LRP1B: variants seen among roughly 807,000 people sequenced by gnomAD.
LRP1B encodes the protein low-density lipoprotein receptor-related protein 1B.
A neutral mutation model predicts 556.6 loss-of-function variants in LRP1B; 217 were observed. The ratio of observed to expected loss-of-function variants is 0.39; its 90% CI spans 0.35 to 0.44. The LOEUF is 0.44. LRP1B is among the 20% of genes least tolerant of loss of function. The probability of loss-of-function intolerance (pLI) is 1.00; values close to 1 mark genes in which losing one functional copy is unlikely to be tolerated. For synonymous variants in LRP1B, 2,047 were observed against 1,865.8 expected, an observed-to-expected ratio of 1.10 and a Z score of -2.50; for missense variants, 5,053 against 5,620.8, an observed-to-expected ratio of 0.90 and a Z score of 3.23.
chr2:140,676,271 A>T (rs975442747), intron 41 of LRP1B, among the ~76,000 whole-genome samples: 1 of 152,288 alleles, frequency 6.6e-6, no homozygotes, highest in South Asian at 2.1e-4. Flanking sequence ...TGCTCTGGGT[A>T]AAATAAATAA....
In LRP1B at chr2:141,544,313, C is replaced by CTTCTTCTTCTTCTTCTTCTT. The variant is rs1553533084; in HGVS notation, c.206-63800_206-63781dup. Among the ~76,000 whole-genome samples the CTTCTTCTTCTTCTTCTTCTT allele has an allele frequency of 3.1e-3, 79 of 25,500 alleles. 2 individuals carry two copies. Among genetic ancestry groups the CTTCTTCTTCTTCTTCTTCTT allele is most frequent in the Admixed American group, 5.5e-3 (11 of 2,016 alleles). 16.7% of individuals were successfully genotyped at this position (25,500 alleles called of 152,430 possible). On this transcript the variant is annotated intron_variant, in intron 2 of 90. Coordinates refer to ENST00000389484, the MANE Select transcript of LRP1B (RefSeq NM_018557.3). ...ATTTACCACTCTTCTTCTTCTTCTT[C>CTTCTTCTTCTTCTTCTTCTT]TTCTTCTTCTTCTTCTTCTTCTTCT...
At chr2:141,553,328 A>G (rs1164213682) in intron 2 of LRP1B, among the ~76,000 whole-genome samples, 1 of 151,940 alleles carries the variant, frequency 6.6e-6, no homozygotes, top group African/African-American at 2.4e-5. Flanking sequence ...TGCTTTTGTG[A>G]GAAATTAAGT....
intron 43 of LRP1B, among the ~76,000 whole-genome samples, chr2:140,570,006 T>C (rs1461243935): frequency 1.3e-5 from 2 of 151,774 alleles, no homozygotes; most frequent in East Asian, 1.9e-4. Context: ...AAACAGAACA[T>C]GTCAACACCT....
intron 2 of LRP1B, among the ~76,000 whole-genome samples, chr2:141,721,868 C>T (rs1323980380): frequency 6.6e-6 from 1 of 152,126 alleles, no homozygotes; most frequent in Non-Finnish European, 1.5e-5. Flanking sequence ...TTTATCCAGA[C>T]CATTAAAACG....
At chr2:142,018,093 T>C (rs370834574) in intron 1 of LRP1B, among the ~76,000 whole-genome samples, 1 of 152,228 alleles carries the variant, frequency 6.6e-6, no homozygotes, top group South Asian at 2.1e-4. Flanking sequence ...ATTTTCTCTG[T>C]GTTGATGTGA....
intron 43 of LRP1B, among the ~76,000 whole-genome samples, chr2:140,543,993 G>A (rs1399184778): frequency 2.0e-5 from 3 of 151,876 alleles, no homozygotes; most frequent in Non-Finnish European, 4.4e-5. Context: ...ATAAAACATT[G>A]CTAAGAGAAA....
intron 34 of LRP1B, among the ~76,000 whole-genome samples, chr2:140,770,168 C>T (rs927495726): frequency 1.3e-5 from 2 of 151,858 alleles, no homozygotes; most frequent in Admixed American, 6.6e-5. Context: ...AGAACTACCT[C>T]ATGAGGTTAT....
chr2:140,334,402 T>TTATTTCTAGTGTTGTTGGC, intron 79 of LRP1B, 51 bp downstream of exon 79: 1 of 1,106,606 alleles, frequency 9.0e-7, no homozygotes, highest in Non-Finnish European at 1.4e-6. Context: ...CTGTTAACAG[T>TTATTTCTAGTGTTGTTGGC]AATATACTTG....
chr2:140,250,516 T>C (rs1027040082), intron 86 of LRP1B, among the ~76,000 whole-genome samples: 1 of 150,624 alleles, frequency 6.6e-6, no homozygotes, highest in African/African-American at 2.4e-5. Context: ...TAACATTCTT[T>C]GACTTCTTTT....
At chr2:140,569,589 CA>C (rs1204807995) in intron 43 of LRP1B, among the ~76,000 whole-genome samples, 1 of 151,630 alleles carries the variant, frequency 6.6e-6, no homozygotes, top group Non-Finnish European at 1.5e-5. Flanking sequence ...AGATAGGCTC[CA>C]ATAATAGAAA....
chr2:141,174,562 C>G (rs762775966), intron 7 of LRP1B, among the ~76,000 whole-genome samples: 1 of 152,048 alleles, frequency 6.6e-6, no homozygotes, highest in Non-Finnish European at 1.5e-5. Context: ...TCTTCACCTT[C>G]TACTATGATT....
intron 18 of LRP1B, among the ~76,000 whole-genome samples, chr2:140,954,295 A>G (rs1695808784): frequency 1.3e-5 from 2 of 152,152 alleles, no homozygotes; most frequent in South Asian, 4.1e-4. Flanking sequence ...ACAAGAATCA[A>G]GGCATTTAAA....
intron 7 of LRP1B, among the ~76,000 whole-genome samples, chr2:141,151,341 A>G (rs1701918841): frequency 6.6e-6 from 1 of 152,138 alleles, no homozygotes; most frequent in Non-Finnish European, 1.5e-5. Flanking sequence ...CTCATACTTC[A>G]TTGGCCAAAA....
intron 3 of LRP1B, among the ~76,000 whole-genome samples, chr2:141,359,208 A>G (rs890116883): frequency 1.3e-5 from 2 of 151,130 alleles, no homozygotes; most frequent in East Asian, 1.9e-4. Context: ...TACAAACATA[A>G]CCAAACAAAC....
chr2:140,448,964 C>T (rs74610349), intron 63 of LRP1B, among the ~76,000 whole-genome samples: 36,434 of 151,810 alleles, frequency 0.24, 4,689 homozygotes, highest in Non-Finnish European at 0.28. Context: ...AGATGTCTTT[C>T]AGACATCAGT....
rs575258427 is a variant in LRP1B, at chr2:140,763,492, C to T, written c.5758+5721G>A. Among the ~76,000 whole-genome samples the T allele has an allele frequency of 2.0e-5, 3 of 152,108 alleles. No individual in the cohort carries two copies. The South Asian group carries it at 6.2e-4, about 32-fold the overall frequency. ...TCCCTTTCCTGAGGGGTGCTGAGTG[C>T]CTGAAGTTTCATGAGACTTGCCTAA... On this transcript the variant is annotated intron_variant, in intron 35 of 90. Coordinates refer to ENST00000389484, the MANE Select transcript of LRP1B (RefSeq NM_018557.3).
At chr2:141,457,270 TAATTAA>T (rs1196380049) in intron 3 of LRP1B, among the ~76,000 whole-genome samples, 4 of 152,050 alleles carry the variant, frequency 2.6e-5, no homozygotes, top group Non-Finnish European at 5.9e-5. Flanking sequence ...GAAGGTGACA[TAATTAA>T]ACAAGACAGA....
At chr2:140,421,702 T>C (rs566301280) in intron 66 of LRP1B, among the ~76,000 whole-genome samples, 1 of 152,326 alleles carries the variant, frequency 6.6e-6, no homozygotes, top group Admixed American at 6.5e-5. Flanking sequence ...TAAGTACACA[T>C]ATATCTTTAC....
At chr2:142,018,826 C>T (rs1409956825) in intron 1 of LRP1B, among the ~76,000 whole-genome samples, 1 of 151,670 alleles carries the variant, frequency 6.6e-6, no homozygotes, top group Non-Finnish European at 1.5e-5. Context: ...GGAGCTTTCA[C>T]TAGCAAGATA....
Sources: gnomAD v4.1 joint callset for allele counts (sites outside exome capture counted in the v4.1 genomes callset) on GRCh38, gnomAD v4.1.1 for gene constraint, MANE v1.5 for transcripts, NCBI Gene and HGNC (gene_info 2026-07-23, HGNC 2026-07-21) for gene names.